PRKCZ: variants seen among roughly 807,000 people sequenced by gnomAD.
PRKCZ encodes protein kinase C zeta, also known as protein kinase C zeta type.
In PRKCZ, 33 loss-of-function variants were observed where a neutral mutation model predicts 79.5. That is an observed-to-expected ratio of 0.41 (90% CI 0.31 to 0.55). The LOEUF (loss-of-function observed/expected upper bound fraction) is 0.55, where lower values mean the gene tolerates loss of function less well. PRKCZ is among the 20% of genes least tolerant of loss of function. The pLI is 0.19. For synonymous variants in PRKCZ, 342 were observed against 320.9 expected (o/e 1.07, Z -0.70); for missense variants, 578 against 813.5 (o/e 0.71, Z 3.52).
intron 4 of PRKCZ, among the ~76,000 whole-genome samples, chr1:2,093,917 G>A (rs902389965): frequency 6.6e-6 from 1 of 152,104 alleles, no homozygotes; most frequent in Non-Finnish European, 1.5e-5. Context: ...GCCCTTGGCC[G>A]GGCACTAAGG....
chr1:2,092,702 T>G (rs1665730060), intron 4 of PRKCZ, among the ~76,000 whole-genome samples: 1 of 152,206 alleles, frequency 6.6e-6, no homozygotes, highest in Non-Finnish European at 1.5e-5. Flanking sequence ...CAAAGGGAGC[T>G]TTTAAATTTA....
chr1:2,127,000 G>A (rs1376474130), intron 4 of PRKCZ, among the ~76,000 whole-genome samples: 1 of 152,254 alleles, frequency 6.6e-6, no homozygotes, highest in Non-Finnish European at 1.5e-5. Context: ...TGAGAGGACG[G>A]AAGTCGGCAG....
At chr1:2,100,619 C>T (rs547113069) in intron 4 of PRKCZ, among the ~76,000 whole-genome samples, 4 of 152,246 alleles carry the variant, frequency 2.6e-5, no homozygotes, top group South Asian at 4.1e-4. Flanking sequence ...GGTGTGCGAG[C>T]GGGGCCTCGG....
intron 10 of PRKCZ, among the ~76,000 whole-genome samples, chr1:2,162,196 A>G (rs1682456611): frequency 6.6e-6 from 1 of 152,154 alleles, no homozygotes; most frequent in South Asian, 2.1e-4. Context: ...CAGTGGCGCA[A>G]TCTTGGCTCA....
chr1:2,161,509 C>G (rs1682301599), intron 10 of PRKCZ, among the ~76,000 whole-genome samples: 1 of 152,230 alleles, frequency 6.6e-6, no homozygotes. Context: ...TGGGACACAC[C>G]TGCAGTGTAC....
rs113965004 is a variant in PRKCZ, at chr1:2,179,923, G to A, written c.1575+4610G>A. 1.5e-3 allele frequency among the ~76,000 whole-genome samples: 235 copies of A among 152,328 alleles called. 1 individual carries two copies. The highest frequency in any genetic ancestry group is 2.8e-3 in the Non-Finnish European group (188 of 68,022). On this transcript the variant is annotated intron_variant, in intron 16 of 17. Transcript: ENST00000378567. ...GAGGGGAAAACGGAAAGACGCAGAG[G>A]AGGGCAGGTGACAAGAGGCCCACAG...
Position 2,159,259 on chromosome 1 carries a change from C to T in PRKCZ, c.974+3167C>T, listed in dbSNP as rs536629439. ...AAAGCCAACATCGGCAAGGCGGCCA[C>T]GCGTCCGGGTGGCGGAAAAGTCTGG... On this transcript the variant is annotated intron_variant, in intron 10 of 17. Transcript: ENST00000378567. Among the ~76,000 whole-genome samples the T allele has an allele frequency of 5.2e-5, 8 of 152,384 alleles. No homozygotes were observed. The East Asian group carries it at 7.7e-4, about 15-fold the overall frequency.
At position 2,177,210 on chromosome 1, in the gene PRKCZ, A is replaced by G. The variant is rs1432270398; in HGVS notation, c.1575+1897A>G. 2.0e-5 allele frequency among the ~76,000 whole-genome samples: 3 copies of G among 151,974 alleles called. No homozygotes were observed. Among genetic ancestry groups the G allele is most frequent in the Non-Finnish European group, 2.9e-5 (2 of 67,986 alleles). ...GGTGGCATCCCCTTGTCTCTGGCCC[A>G]CAGAACCCCTCCGGTCCACACACAC... On this transcript the variant is annotated intron_variant, in intron 16 of 17. Coordinates refer to ENST00000378567, the MANE Select transcript of PRKCZ (RefSeq NM_002744.6). This position sits in a 1 kb window ranked among gnomAD's most constrained non-coding sequence, Gnocchi z 6.4.
At chr1:2,113,065 T>TGCTGGCCGAG (rs1670072720) in intron 4 of PRKCZ, among the ~76,000 whole-genome samples, 1 of 152,240 alleles carries the variant, frequency 6.6e-6, no homozygotes, top group African/African-American at 2.4e-5. Context: ...GCCTGCCCAC[T>TGCTGGCCGAG]GCTGGCCGAG....
At chr1:2,171,933 T>C in intron 11 of PRKCZ, 122 bp from the exon 12 acceptor site, 3 of 1,241,672 alleles carry the variant, frequency 2.4e-6, no homozygotes, top group Middle Eastern at 2.0e-4. Context: ...ATCCTGGGCC[T>C]GGTCATTGAG....
At position 2,059,532 on chromosome 1, in the gene PRKCZ, CTT is replaced by C. The variant is rs1434603947; in HGVS notation, c.284-8_284-7del. On this transcript the variant is annotated splice_polypyrimidine_tract_variant and splice_region_variant and intron_variant, in intron 3 of 17. Coordinates refer to ENST00000378567, the MANE Select transcript of PRKCZ (RefSeq NM_002744.6). ...GTCTTGACGCTGTCTCTTTCTCTCT[CTT>C]GTCCAGTTTTCCCGAGCACCCCTGA... is the stretch of plus-strand genomic sequence containing the variant. 3.7e-6 allele frequency: 6 copies of C among 1,614,058 alleles called. No individual in the cohort carries two copies. The highest frequency in any genetic ancestry group is 1.1e-5 in the South Asian group (1 of 91,090).
rs1172996454 is a variant in PRKCZ, at chr1:2,149,836, G to A, written c.687+912G>A. Among the ~76,000 whole-genome samples, 3 of 152,138 alleles carry A rather than the reference G, an allele frequency of 2.0e-5. No homozygotes were observed. Among genetic ancestry groups the A allele is most frequent in the South Asian group, 2.1e-4 (1 of 4,826 alleles). On this transcript the variant is annotated intron_variant, in intron 8 of 17. Coordinates refer to ENST00000378567, the MANE Select transcript of PRKCZ (RefSeq NM_002744.6). The surrounding 1 kb of genome is among the most constrained non-coding windows in gnomAD (Gnocchi z 4.1). ...AGATCGCACCACTGCACTCCAGCCT[G>A]GGCGACAGAGGAAGAGTCTGTCTCA...
At chr1:2,061,818 C>G (rs1463110110) in intron 4 of PRKCZ, among the ~76,000 whole-genome samples, 2 of 152,226 alleles carry the variant, frequency 1.3e-5, no homozygotes, top group African/African-American at 4.8e-5. Flanking sequence ...CCCTGATGTC[C>G]TGTGCTTTCT....
chr1:2,181,738 A>G (rs1686655033), intron 16 of PRKCZ: 1 of 449,108 alleles, frequency 2.2e-6, no homozygotes, highest in Non-Finnish European at 4.5e-6. Context: ...CTCTGTTCCC[A>G]CCCCTGCTGC....
At chr1:2,078,391 G>A (rs111415953) in intron 4 of PRKCZ, among the ~76,000 whole-genome samples, 2,078 of 152,268 alleles carry the variant, frequency 0.014, 41 homozygotes, top group African/African-American at 0.047. Flanking sequence ...CATTTCGAAG[G>A]GATCGCTCTA....
intron 4 of PRKCZ, among the ~76,000 whole-genome samples, chr1:2,061,463 T>C (rs1660667084): frequency 6.6e-6 from 1 of 151,284 alleles, no homozygotes; most frequent in South Asian, 2.1e-4. Context: ...GAGTGTGTCA[T>C]GGGGGTGGCA....
chr1:2,145,655 T>C (rs1264353889), intron 6 of PRKCZ: 4 of 255,508 alleles, frequency 1.6e-5, no homozygotes, highest in Non-Finnish European at 3.1e-5. Context: ...GGCTCACACC[T>C]GTAATCCCAA....
intron 4 of PRKCZ, among the ~76,000 whole-genome samples, chr1:2,095,903 C>T (rs1456223126): frequency 2.6e-5 from 3 of 115,756 alleles, no homozygotes; most frequent in African/African-American, 1.1e-4. Context: ...CCCTCCCCTC[C>T]TCTCCCCTCC....
At chr1:2,119,679 C>T (rs1435011097) in intron 4 of PRKCZ, among the ~76,000 whole-genome samples, 3 of 152,226 alleles carry the variant, frequency 2.0e-5, no homozygotes, top group East Asian at 1.9e-4. Context: ...TTCTAGTCTT[C>T]CTGCAGGACG....
Sources: allele counts gnomAD v4.1 joint callset (sites outside exome capture counted in the v4.1 genomes callset), GRCh38; gene constraint gnomAD v4.1.1; non-coding constraint Gnocchi (gnomAD v3.1); transcripts MANE v1.5; gene names NCBI Gene and HGNC (gene_info 2026-07-23, HGNC 2026-07-21).